ZNF517: variants seen among roughly 807,000 people sequenced by gnomAD.
The protein encoded by ZNF517 is zinc finger protein 517.
In ZNF517, 12 loss-of-function variants were observed where a neutral mutation model predicts 12.1. That is an observed-to-expected ratio of 0.99 (90% CI 0.63 to 1.61). ZNF517 has a LOEUF of 1.61. Among genes scored for constraint, ZNF517 ranks in the 40% most tolerant of loss-of-function variants. The pLI is 0.00. For synonymous variants in ZNF517, 388 were observed against 310.2 expected (o/e 1.25, Z -2.63); for missense variants, 781 against 693.2 (o/e 1.13, Z -1.42).
Position 144,804,197 on chromosome 8 carries a change from A to G in ZNF517, c.233A>G (p.Gln78Arg), listed in dbSNP as rs993699489. Residue 78 changes from glutamine to arginine, a missense_variant, in exon 4 of 5, where the codon CAG becomes CGG. By Grantham distance (43) the Gln-to-Arg change is conservative. Transcript: ENST00000359971. ...QGEEPGALIL[Q>R]VAEQSVAKAS... ...GAGGAGCCGGGGGCCTTGATTCTGC[A>G]GGTGGCTGAACAGAGCGTGGCCAAA... 2 of 1,614,006 alleles carry G rather than the reference A, an allele frequency of 1.2e-6. No homozygotes were observed. Among genetic ancestry groups the G allele is most frequent in the African/African-American group, 1.3e-5 (1 of 74,946 alleles).
intron 3 of ZNF517, 164 bp downstream of exon 3, chr8:144,803,931 G>T (rs946671627): frequency 1.7e-6 from 2 of 1,173,664 alleles, no homozygotes; most frequent in African/African-American, 1.5e-5. Flanking sequence ...CACTGCCAGC[G>T]TCAGCCTGCC....
At chr8:144,799,870 G>A (rs1399613946) in intron 1 of ZNF517, among the ~76,000 whole-genome samples, 3 of 152,250 alleles carry the variant, frequency 2.0e-5, no homozygotes, top group Non-Finnish European at 4.4e-5. Flanking sequence ...AACCCGGGAG[G>A]CGGAGCTTGC....
intron 1 of ZNF517, chr8:144,800,796 C>T (rs116776328): frequency 4.6e-6 from 3 of 650,966 alleles, no homozygotes; most frequent in Non-Finnish European, 5.7e-6. Flanking sequence ...AATGTCACTT[C>T]ATAGCATTGT....
downstream of ZNF517, among the ~76,000 whole-genome samples, chr8:144,811,884 A>C (rs1827567422): frequency 8.0e-6 from 1 of 124,260 alleles, no homozygotes; most frequent in Non-Finnish European, 1.6e-5. Flanking sequence ...AGAGACACGG[A>C]CAGTAAAGCT....
intron 1 of ZNF517, chr8:144,800,638 A>C: frequency 1.0e-6 from 1 of 985,328 alleles, no homozygotes; most frequent in Non-Finnish European, 1.2e-6. Context: ...CTGGACAGAC[A>C]GTGAGTGGGG....
chr8:144,810,106 AG>A (rs1361505512), downstream of ZNF517: 5 of 637,894 alleles, frequency 7.8e-6, no homozygotes, highest in Non-Finnish European at 1.4e-5. Context: ...GTCTCTCTAG[AG>A]GACCCTAATA....
Position 144,807,196 on chromosome 8 carries a change from A to T in ZNF517, c.280A>T (p.Arg94Trp). The T allele has an allele frequency of 6.6e-7, 1 of 1,521,872 alleles. No individual in the cohort carries two copies. Among genetic ancestry groups the T allele is most frequent in the South Asian group, 1.3e-5 (1 of 76,556 alleles). 94.3% of individuals were successfully genotyped at this position (1,521,872 alleles called of 1,614,324 possible). ...VAKASLCTDSRMEAGIMESPL... is the reference protein window; with the variant it reads ...VAKASLCTDSWMEAGIMESPL... The stretch of plus-strand genomic sequence containing the variant: ...TTTTCTGTTCCTTCTCTCAGATTCC[A>T]GGATGGAGGCTGGGATCATGGAGTC... The change falls in exon 5 of 5, where the codon AGG (arginine) becomes TGG (tryptophan). Residue 94 changes from arginine (R) to tryptophan (W), a missense_variant. Physicochemically the swap from Arg to Trp is moderately radical, Grantham distance 101. Transcript: ENST00000359971.
In ZNF517 at chr8:144,808,448, G is replaced by A; in HGVS notation, c.*53G>A. ...CGCTGGAAGCCCACCCAAGCCGGCG[G>A]GGCCCTAGCGCAGAAATTCAGAACC... On this transcript the variant is annotated 3_prime_UTR_variant, in exon 5 of 5. Coordinates refer to ENST00000359971, the MANE Select transcript of ZNF517 (RefSeq NM_213605.3). The A allele has an allele frequency of 1.2e-5, 17 of 1,430,656 alleles. No homozygotes were observed. The highest frequency in any genetic ancestry group is 1.6e-5 in the Non-Finnish European group (17 of 1,092,222). 88.6% of individuals were successfully genotyped at this position (1,430,656 alleles called of 1,614,324 possible). A position where few individuals can be genotyped will look rare whatever the true frequency, so the allele number is the denominator to read the frequency against.
downstream of ZNF517, among the ~76,000 whole-genome samples, chr8:144,813,303 C>T (rs181799157): frequency 1.5e-4 from 19 of 125,566 alleles, no homozygotes; most frequent in East Asian, 2.3e-3. Flanking sequence ...ATGACAGAGC[C>T]GGACTCTGTC....
At chr8:144,802,767 A>T (rs1827030006) in intron 1 of ZNF517, 103 bp from the exon 2 acceptor site, 2 of 1,533,262 alleles carry the variant, frequency 1.3e-6, no homozygotes, top group Non-Finnish European at 1.7e-6. Flanking sequence ...TTGCCCTAGC[A>T]CTTTACCCTC....
intron 2 of ZNF517, 67 bp downstream of exon 2, chr8:144,803,014 C>A: frequency 6.3e-7 from 1 of 1,599,568 alleles, no homozygotes. Context: ...AGCTTTTCAG[C>A]CCTGAGAACC....
At chr8:144,803,072 G>C in intron 2 of ZNF517, 125 bp downstream of exon 2, 1 of 1,216,366 alleles carries the variant, frequency 8.2e-7, no homozygotes, top group Non-Finnish European at 1.2e-6. Context: ...GAGTCTGCAA[G>C]CCGAGGACAG....
At chr8:144,806,690 G>A (rs971911111) in intron 4 of ZNF517, among the ~76,000 whole-genome samples, 1 of 151,940 alleles carries the variant, frequency 6.6e-6, no homozygotes, top group Non-Finnish European at 1.5e-5. Context: ...TCACCGTGTT[G>A]GCCAAGCTGG....
At chr8:144,813,170 G>C (rs1045964766), downstream of ZNF517, among the ~76,000 whole-genome samples, 1 of 151,908 alleles carries the variant, frequency 6.6e-6, no homozygotes, top group Non-Finnish European at 1.5e-5. Flanking sequence ...CAAAAAATTA[G>C]CCGGGCCTGG....
chr8:144,803,973 C>T, intron 3 of ZNF517, 152 bp from the exon 4 acceptor site: 1 of 1,056,958 alleles, frequency 9.5e-7, no homozygotes, highest in Non-Finnish European at 1.3e-6. Context: ...GGCCCCCCAT[C>T]TCCCCCTGGC....
At chr8:144,800,845 T>G in intron 1 of ZNF517, 1 of 324,576 alleles carries the variant, frequency 3.1e-6, no homozygotes, top group Non-Finnish European at 4.4e-6. Context: ...CACTCTTTAT[T>G]TTTATTTGAG....
chr8:144,802,981 G>A (rs1287004173), intron 2 of ZNF517, 34 bp downstream of exon 2: 1 of 1,613,354 alleles, frequency 6.2e-7, no homozygotes, highest in Non-Finnish European at 8.5e-7. Context: ...ATTGCCCCAG[G>A]AGACTGCTTC....
At chr8:144,806,472 T>G (rs1029427727) in intron 4 of ZNF517, among the ~76,000 whole-genome samples, 2 of 151,974 alleles carry the variant, frequency 1.3e-5, no homozygotes, top group Non-Finnish European at 2.9e-5. Context: ...ACCCTGATTT[T>G]ATTTTATTTT....
chr8:144,804,032 A>G (rs562838705), intron 3 of ZNF517, 93 bp from the exon 4 acceptor site: 2 of 1,303,134 alleles, frequency 1.5e-6, no homozygotes, highest in Admixed American at 2.1e-5. Flanking sequence ...ACCCACTCCA[A>G]GCACTCTGTG....
Sources: allele counts gnomAD v4.1 joint callset (sites outside exome capture counted in the v4.1 genomes callset), GRCh38; gene constraint gnomAD v4.1.1; transcripts MANE v1.5; gene names NCBI Gene and HGNC (gene_info 2026-07-23, HGNC 2026-07-21).